Variants in STAG3 observed in about 807,000 individuals in gnomAD.
STAG3 encodes the protein STAG3 cohesin complex component.
Under a neutral mutation model 160.7 loss-of-function variants are expected in STAG3, and 101 were observed. The ratio of observed to expected loss-of-function variants is 0.63; its 90% confidence interval spans 0.54 to 0.74. The LOEUF (loss-of-function observed/expected upper bound fraction) is 0.74. Among genes scored for constraint, STAG3 ranks in the 30% least tolerant of loss-of-function variants. The probability of loss-of-function intolerance (pLI) is 0.00; values close to 1 mark genes in which losing one functional copy is unlikely to be tolerated. For synonymous variants in STAG3, 519 were observed against 585.0 expected, an observed-to-expected ratio of 0.89 and a Z score of 1.63; for missense variants, 1,188 against 1,517.4, an observed-to-expected ratio of 0.78 and a Z score of 3.61.
Position 100,200,437 on chromosome 7 carries a change from C to CT in STAG3, c.1771-15dup. 6.2e-7 allele frequency: 1 copy of CT among 1,613,980 alleles called. No individual in the cohort carries two copies. The highest frequency in any genetic ancestry group is 8.5e-7 in the Non-Finnish European group (1 of 1,179,908). ...TGTGTCAGCTTGTAAGGAGGCCTCC[C>CT]TGTCAATCATCACAGTTCTCAGCTG... On this transcript the variant is annotated splice_polypyrimidine_tract_variant and intron_variant, in intron 17 of 33. Coordinates refer to ENST00000615138, the MANE Select transcript of STAG3 (RefSeq NM_001282717.2).
chr7:100,208,644 C>G (rs937878638), intron 29 of STAG3, among the ~76,000 whole-genome samples: 11 of 152,152 alleles, frequency 7.2e-5, no homozygotes, highest in Admixed American at 7.2e-4. Flanking sequence ...ATCGCTCTGC[C>G]TAAAGCGTAG....
chr7:100,211,819 GGAA>G lies in STAG3; in HGVS notation c.3549_3551del (p.Glu1184del), dbSNP rs1563009329. 1 of 1,614,026 alleles carries G rather than the reference GGAA, an allele frequency of 6.2e-7. No individual in the cohort carries two copies. On this transcript the variant is annotated inframe_deletion, in exon 32 of 34. Coordinates refer to ENST00000615138, the MANE Select transcript of STAG3 (RefSeq NM_001282717.2). ...GACTCAGCCTTATGGAAGAGGACGA[GGAA>G]GAAGAGTTAGAAATCCAGGATGAGT...
At chr7:100,178,488 A>C (rs1460594449) in intron 1 of STAG3, among the ~76,000 whole-genome samples, 5 of 150,470 alleles carry the variant, frequency 3.3e-5, no homozygotes, top group African/African-American at 1.2e-4. Flanking sequence ...AAAAACCTGT[A>C]AGTTCCCTTG....
chr7:100,180,851 T>C lies in STAG3; in HGVS notation c.116+179T>C, dbSNP rs1428356516. 5.7e-6 allele frequency: 3 copies of C among 528,538 alleles called. No individual in the cohort carries two copies. The African/African-American group carries it at 5.9e-5, about 10-fold the overall frequency. The allele number at this position is 528,538 out of a possible 1,614,324, so 32.7% of individuals were successfully genotyped here. ...GTGTTTTTTTTGGCGGTCCTAGATGTTGTAGACATCAAAATAGTAGTACAT... is the reference window on the plus strand; with the variant it reads ...GTGTTTTTTTTGGCGGTCCTAGATGCTGTAGACATCAAAATAGTAGTACAT... On this transcript the variant is annotated intron_variant, in intron 2 of 33. Transcript: ENST00000615138.
Position 100,211,848 on chromosome 7 carries a change from C to A in STAG3, c.3572C>A (p.Ser1191Ter). Residue 1191 changes from serine to a stop codon, truncating the protein, a stop_gained, in exon 32 of 34, where the codon TCA becomes TAA. Transcript: ENST00000615138. LOFTEE classifies it high-confidence loss of function. ...EEEELEIQDE[S>*]NEERQDTDMQ... ...GAAGAGTTAGAAATCCAGGATGAGT[C>A]AAATGAAGAACGGCAGGATACAGAC... is the stretch of plus-strand genomic sequence containing the variant. The A allele has an allele frequency of 6.2e-7, 1 of 1,614,044 alleles. No individual in the cohort carries two copies. The highest frequency in any genetic ancestry group is 1.1e-5 in the South Asian group (1 of 91,044).
rs575321865 is a variant in STAG3, at chr7:100,187,031, T to G, written c.433+735T>G. Among the ~76,000 whole-genome samples, 26 of 148,132 alleles carry G rather than the reference T, an allele frequency of 1.8e-4. No individual in the cohort carries two copies. The South Asian group carries it at 3.8e-3, about 22-fold the overall frequency. On this transcript the variant is annotated intron_variant, in intron 5 of 33. Transcript: ENST00000615138. ...TAGTTTTATTGCTGTCTTTGTTTTG[T>G]TTTTTTTTGTTTTTTTTTGAGACAG...
intron 18 of STAG3, 107 bp downstream of exon 18, chr7:100,200,649 A>AAGAT: frequency 3.3e-6 from 5 of 1,533,800 alleles, no homozygotes; most frequent in Non-Finnish European, 4.5e-6. Context: ...AAAATCAGCA[A>AAGAT]GCCTTTTCTT....
In STAG3 at chr7:100,182,114, T is replaced by C; in HGVS notation, c.141T>C (p.Asp47=). 1 of 1,613,466 alleles carries C rather than the reference T, an allele frequency of 6.2e-7. No homozygotes were observed. Among genetic ancestry groups the C allele is most frequent in the Non-Finnish European group, 8.5e-7 (1 of 1,179,634 alleles). The stretch of plus-strand genomic sequence containing the variant: ...GGAATGGCGACTCTTTGTTAGCTGA[T>C]GAAGACACTGACTTTGAAGACAGCT... The part of the protein sequence containing the change: ...SEGNGDSLLA[D]EDTDFEDSLN... The change falls in exon 3 of 34, where the codon GAT becomes GAC. Residue 47 remains aspartate (D), a synonymous_variant. Transcript: ENST00000615138.
At position 100,182,829 on chromosome 7, in the gene STAG3, G is replaced by A; in HGVS notation, c.326G>A (p.Ser109Asn). 6.2e-7 allele frequency: 1 copy of A among 1,613,946 alleles called. No homozygotes were observed. The highest frequency in any genetic ancestry group is 1.1e-5 in the South Asian group (1 of 91,074). The change falls in exon 4 of 34, where the codon AGT becomes AAT. Residue 109 changes from serine (S) to asparagine (N), a missense_variant. Transcript: ENST00000615138. ...TTCAATGCTGTGAAAGCCGCCAAAA[G>A]TGACATGCAGGTAAAGCAGTGTCTC... is the stretch of plus-strand genomic sequence containing the variant. ...DLFNAVKAAK[S>N]DMQSLVDEWL...
downstream of STAG3, chr7:100,218,763 T>C (rs1282510698): frequency 3.5e-6 from 1 of 288,218 alleles, no homozygotes; most frequent in South Asian, 3.5e-5. Flanking sequence ...TTCTCACACA[T>C]AGACATCGTG....
chr7:100,213,731 C>G lies in STAG3; in HGVS notation c.3601-4C>G. ...TTTTTGACTTTTAACCTCATTCTCT[C>G]TAGCAAGCAAGTAGCTACTCTTCCA... On this transcript the variant is annotated splice_region_variant and splice_polypyrimidine_tract_variant and intron_variant, in intron 32 of 33. Transcript: ENST00000615138. 1.2e-6 allele frequency: 2 copies of G among 1,614,184 alleles called. No homozygotes were observed. Among genetic ancestry groups the G allele is most frequent in the Non-Finnish European group, 1.7e-6 (2 of 1,180,002 alleles).
At chr7:100,199,096 C>G (rs1223152368) in intron 14 of STAG3, 139 bp downstream of exon 14, 1 of 934,520 alleles carries the variant, frequency 1.1e-6, no homozygotes, top group East Asian at 2.5e-5. Context: ...TTGAGACCAG[C>G]CTGGGCAACA....
chr7:100,201,873 G>A lies in STAG3; in HGVS notation c.2301+7G>A, dbSNP rs140742906. 3.4e-4 allele frequency: 548 copies of A among 1,614,128 alleles called. 4 individuals are homozygous for A. In the African/African-American group the frequency reaches 6.4e-3, roughly 19 times the overall value. ...TAAATCAGATGCTTCCCAGGTGAGT[G>A]TGGGTCTTAGATGGGATAATGGGAA... On this transcript the variant is annotated splice_region_variant and intron_variant, in intron 22 of 33. Coordinates refer to ENST00000615138, the MANE Select transcript of STAG3 (RefSeq NM_001282717.2).
At chr7:100,196,715 C>T (rs1470528075) in intron 9 of STAG3, among the ~76,000 whole-genome samples, 1 of 152,012 alleles carries the variant, frequency 6.6e-6, no homozygotes, top group African/African-American at 2.4e-5. Context: ...CACTTGAACC[C>T]GAGAGGTAGA....
In STAG3 at chr7:100,201,797, A is replaced by T. The variant is rs1484555105; in HGVS notation, c.2232A>T (p.Pro744=). 6.2e-7 allele frequency: 1 copy of T among 1,614,050 alleles called. No homozygotes were observed. The highest frequency in any genetic ancestry group is 8.5e-7 in the Non-Finnish European group (1 of 1,180,038). Residue 744 remains proline (P), a synonymous_variant, in exon 22 of 34, where the codon CCA becomes CCT. Transcript: ENST00000615138. ...CTTTGTTGTTACAGGTTATCCTGCC[A>T]GCCTTGACTCTTGTCTATTTTTCCA... The part of the protein sequence containing the change: ...TGEVPHQVIL[P]ALTLVYFSIL...
chr7:100,211,360 C>T lies in STAG3; in HGVS notation c.3414-75C>T. On this transcript the variant is annotated intron_variant, in intron 30 of 33. Transcript: ENST00000615138. ...ATGCATCTCTCTGAGCTTTTCTCCC[C>T]ATTAACACCAGCTGCCTTACATCCT... The T allele has an allele frequency of 1.9e-6, 3 of 1,538,786 alleles. No homozygotes were observed. The African/African-American group carries it at 4.1e-5, about 21-fold the overall frequency.
chr7:100,199,899 C>CAAAAAAAAAAA, intron 16 of STAG3, among the ~76,000 whole-genome samples: 1 of 122,282 alleles, frequency 8.2e-6, no homozygotes, highest in Non-Finnish European at 1.7e-5. Context: ...ACTAAAAATA[C>CAAAAAAAAAAA]AAAAAAAAAA....
chr7:100,207,887 C>T lies in STAG3; in HGVS notation c.3238+2503C>T, dbSNP rs1332924585. Among the ~76,000 whole-genome samples the T allele has an allele frequency of 6.6e-6, 1 of 152,068 alleles. No individual in the cohort carries two copies. The highest frequency in any genetic ancestry group is 2.4e-5 in the African/African-American group (1 of 41,400). On this transcript the variant is annotated intron_variant, in intron 29 of 33. Transcript: ENST00000615138. This position sits in a 1 kb window ranked among gnomAD's most constrained non-coding sequence, Gnocchi z 4.0. ...ATCCCAGCACTTTGGGAGGCCGAGG[C>T]GGGCGGATCACGAGGTCAGGAGATT... is the stretch of plus-strand genomic sequence containing the variant.
At chr7:100,193,551 A>T (rs549347145) in intron 8 of STAG3, among the ~76,000 whole-genome samples, 10 of 152,334 alleles carry the variant, frequency 6.6e-5, no homozygotes, top group Admixed American at 5.2e-4. Context: ...CTCTATCAGT[A>T]TTTGCTGCTT....
Sources: allele counts gnomAD v4.1 joint callset (sites outside exome capture counted in the v4.1 genomes callset), GRCh38; gene constraint gnomAD v4.1.1; non-coding constraint Gnocchi (gnomAD v3.1); transcripts MANE v1.5; gene names NCBI Gene and HGNC (gene_info 2026-07-23, HGNC 2026-07-21).